Variants in SLC14A2 observed in about 807,000 individuals in gnomAD.
The protein encoded by SLC14A2 is solute carrier family 14 member 2.
In SLC14A2, 91 loss-of-function variants were observed where a neutral mutation model predicts 104.6. That is an observed-to-expected ratio of 0.87 (90% CI 0.73 to 1.04). SLC14A2 has a LOEUF of 1.04. Ranked by LOEUF, SLC14A2 falls within the 50% of genes least tolerant of loss-of-function variation. The pLI is 0.00. For synonymous variants in SLC14A2, 476 were observed against 466.4 expected (o/e 1.02, Z -0.27); for missense variants, 1,189 against 1,156.0 (o/e 1.03, Z -0.41).
At chr18:45,177,342 C>T in the SLC14A2 span, among the ~76,000 whole-genome samples, 1 of 152,172 alleles carries the variant, frequency 6.6e-6, no homozygotes, top group East Asian at 1.9e-4. Context: ...ATATCAATCA[C>T]TACACTGCTT....
At chr18:45,394,992 T>C (rs569543154) in intron 1 of SLC14A2, among the ~76,000 whole-genome samples, 32 of 152,160 alleles carry the variant, frequency 2.1e-4, no homozygotes, top group African/African-American at 6.3e-4. Flanking sequence ...AGAATTGAAA[T>C]CAGGTGGGTA....
chr18:45,627,431 G>A (rs2045278001), intron 4 of SLC14A2, among the ~76,000 whole-genome samples: 1 of 152,200 alleles, frequency 6.6e-6, no homozygotes, highest in Non-Finnish European at 1.5e-5. Flanking sequence ...CTACCATCTA[G>A]TTGAAGGAGA....
chr18:45,675,540 G>A (rs991329122), intron 18 of SLC14A2, among the ~76,000 whole-genome samples: 2 of 151,514 alleles, frequency 1.3e-5, no homozygotes, highest in Admixed American at 6.6e-5. Flanking sequence ...TTTGAGACAG[G>A]GTCTTACTCT....
chr18:45,625,533 C>T, intron 2 of SLC14A2, 150 bp from the exon 3 acceptor site: 2 of 552,278 alleles, frequency 3.6e-6, no homozygotes, highest in Admixed American at 4.2e-5. Context: ...ACGGGGCACT[C>T]TATGCAGCCG....
intron 1 of SLC14A2, among the ~76,000 whole-genome samples, chr18:45,272,027 T>C (rs2084656512): frequency 6.6e-6 from 1 of 151,956 alleles, no homozygotes; most frequent in Non-Finnish European, 1.5e-5. Flanking sequence ...TTGACAAGGA[T>C]ACCAAAAACA....
At chr18:45,299,415 G>A (rs969107094) in intron 1 of SLC14A2, among the ~76,000 whole-genome samples, 9 of 152,198 alleles carry the variant, frequency 5.9e-5, no homozygotes, top group African/African-American at 9.6e-5. Context: ...ACACATGTGC[G>A]CATGCACACA....
At chr18:45,665,301 G>A (rs1212115303) in intron 11 of SLC14A2, among the ~76,000 whole-genome samples, 1 of 152,096 alleles carries the variant, frequency 6.6e-6, no homozygotes, top group Non-Finnish European at 1.5e-5. Context: ...ACCACAGGAG[G>A]GAACCAAAGC....
the SLC14A2 span, among the ~76,000 whole-genome samples, chr18:45,176,705 C>T: frequency 1.3e-5 from 2 of 152,202 alleles, no homozygotes; most frequent in Non-Finnish European, 2.9e-5. Flanking sequence ...GATTTTCTCT[C>T]TGCATTGTGG....
intron 2 of SLC14A2, among the ~76,000 whole-genome samples, chr18:45,509,506 G>A (rs2043334209): frequency 6.6e-6 from 1 of 152,022 alleles, no homozygotes; most frequent in South Asian, 2.1e-4. Context: ...TAGCATGAAA[G>A]CAATCAAGGT....
intron 1 of SLC14A2, among the ~76,000 whole-genome samples, chr18:45,464,556 G>C (rs147243894): frequency 3.3e-5 from 5 of 152,350 alleles, no homozygotes; most frequent in African/African-American, 7.2e-5. Flanking sequence ...CCCGGCATGA[G>C]TGGCAGATGT....
chr18:45,190,951 C>T, the SLC14A2 span, among the ~76,000 whole-genome samples: 1 of 152,096 alleles, frequency 6.6e-6, no homozygotes, highest in Admixed American at 6.6e-5. Flanking sequence ...CATCATGTTT[C>T]CCTTGTTCCA....
chr18:45,474,793 A>G (rs748613149), intron 1 of SLC14A2, among the ~76,000 whole-genome samples: 11 of 151,906 alleles, frequency 7.2e-5, no homozygotes, highest in Non-Finnish European at 1.5e-4. Flanking sequence ...TCTGGCTAGC[A>G]GTCTATCTAT....
chr18:45,554,524 C>CAAGCAACGG (rs1310684154), intron 2 of SLC14A2, among the ~76,000 whole-genome samples: 1 of 152,084 alleles, frequency 6.6e-6, no homozygotes, highest in Non-Finnish European at 1.5e-5. Context: ...AATTTGTTGG[C>CAAGCAACGG]AAGCAACGGG....
At chr18:45,426,598 C>CATAT (rs2086431808) in intron 1 of SLC14A2, among the ~76,000 whole-genome samples, 3 of 148,402 alleles carry the variant, frequency 2.0e-5, no homozygotes, top group African/African-American at 5.0e-5. Flanking sequence ...TATATACACA[C>CATAT]ATATATGTAC....
chr18:45,437,004 G>A (rs2086606439), intron 1 of SLC14A2, among the ~76,000 whole-genome samples: 1 of 152,146 alleles, frequency 6.6e-6, no homozygotes, highest in African/African-American at 2.4e-5. Context: ...GGCCACACAG[G>A]AGACCAGAGA....
At chr18:45,287,171 C>T (rs2144156939) in intron 1 of SLC14A2, among the ~76,000 whole-genome samples, 1 of 152,322 alleles carries the variant, frequency 6.6e-6, no homozygotes, top group South Asian at 2.1e-4. Flanking sequence ...TCCTGTTTGC[C>T]TGTGTCTAAG....
At chr18:45,498,083 A>G (rs1373170335) in intron 2 of SLC14A2, among the ~76,000 whole-genome samples, 1 of 152,234 alleles carries the variant, frequency 6.6e-6, no homozygotes, top group Admixed American at 6.5e-5. Context: ...TAGAAACAAC[A>G]TGGAAGTCCA....
At chr18:45,426,980 A>T (rs893193800) in intron 1 of SLC14A2, among the ~76,000 whole-genome samples, 2 of 151,808 alleles carry the variant, frequency 1.3e-5, no homozygotes, top group East Asian at 1.9e-4. Context: ...TCAGATGCCA[A>T]TTTTTTTCAT....
intron 2 of SLC14A2, among the ~76,000 whole-genome samples, chr18:45,531,714 ATT>A (rs2043691818): frequency 6.6e-6 from 1 of 151,986 alleles, no homozygotes; most frequent in African/African-American, 2.4e-5. Flanking sequence ...ATGAGATCCC[ATT>A]TGTCAATTTT....
Sources: gnomAD v4.1 joint callset for allele counts (sites outside exome capture counted in the v4.1 genomes callset) on GRCh38, gnomAD v4.1.1 for gene constraint, MANE v1.5 for transcripts, NCBI Gene and HGNC (gene_info 2026-07-23, HGNC 2026-07-21) for gene names.